The following GNG7 variants were observed in gnomAD, a reference collection of about 807,000 sequenced individuals.
GNG7 encodes the protein G protein subunit gamma 7, also known as guanine nucleotide-binding protein G(I)/G(S)/G(O) subunit gamma-7.
In GNG7, 1 loss-of-function variant was observed where a neutral mutation model predicts 4.0. The observed-to-expected ratio is 0.25, with a 90% confidence interval of 0.09 to 1.18. The LOEUF (loss-of-function observed/expected upper bound fraction) is 1.18, where lower values mean the gene tolerates loss of function less well. Among genes scored for constraint, GNG7 ranks in the 50% most tolerant of loss-of-function variants. GNG7 has a pLI of 0.50. For missense variants in GNG7, 86 were observed against 91.9 expected (o/e 0.94, Z 0.26); for synonymous variants, 34 against 36.9 (o/e 0.92, Z 0.29).
chr19:2,676,258 A>G (rs1599456765), intron 1 of GNG7, among the ~76,000 whole-genome samples: 1 of 152,320 alleles, frequency 6.6e-6, no homozygotes, highest in Middle Eastern at 3.4e-3. Flanking sequence ...GTTTTGAGCC[A>G]TGCAGGTTGA....
chr19:2,651,143 G>T (rs1216013479), intron 1 of GNG7, among the ~76,000 whole-genome samples: 1 of 152,108 alleles, frequency 6.6e-6, no homozygotes, highest in Non-Finnish European at 1.5e-5. Flanking sequence ...GTGGTCAGGG[G>T]ACCTCGTGTA....
intron 2 of GNG7, among the ~76,000 whole-genome samples, chr19:2,603,279 G>C (rs796757473): frequency 6.6e-6 from 1 of 152,056 alleles, no homozygotes; most frequent in African/African-American, 2.4e-5. Flanking sequence ...GTTAGCCAGG[G>C]TGATCTCGAT....
chr19:2,544,987 G>A (rs139542122), intron 3 of GNG7, among the ~76,000 whole-genome samples: 1 of 152,318 alleles, frequency 6.6e-6, no homozygotes, highest in African/African-American at 2.4e-5. Flanking sequence ...GTGTGAACCA[G>A]GGGGACCCCC....
rs147023390 is a variant in GNG7, at chr19:2,552,198, C to CA, written c.-38+2950dup. Among the ~76,000 whole-genome samples the CA allele has an allele frequency of 8.4e-3, 1,282 of 152,014 alleles. 6 individuals carry two copies. Among genetic ancestry groups the CA allele is most frequent in the South Asian group, 0.016 (75 of 4,824 alleles). On this transcript the variant is annotated intron_variant, in intron 3 of 4. Transcript: ENST00000382159. ...AAAACCCCATCTCTACTAAAAAATA[C>CA]AAAAAATCAGCCGGAAATTGCTTGA...
chr19:2,614,331 C>CA lies in GNG7; in HGVS notation c.-78+31892dup, dbSNP rs1281517097. On this transcript the variant is annotated intron_variant, in intron 2 of 4. Transcript: ENST00000382159. This position sits in a 1 kb window ranked among gnomAD's most constrained non-coding sequence, Gnocchi z 6.0. ...CACATGTGTGGTGAAATGCACACAA[C>CA]AAAAAAGCTCCCTTTCCAGACATCC... Among the ~76,000 whole-genome samples, 1 of 152,186 alleles carries CA rather than the reference C, an allele frequency of 6.6e-6. No individual in the cohort carries two copies. Among genetic ancestry groups the CA allele is most frequent in the African/African-American group, 2.4e-5 (1 of 41,452 alleles).
chr19:2,608,630 G>T (rs1160020301), intron 2 of GNG7, among the ~76,000 whole-genome samples: 3 of 152,232 alleles, frequency 2.0e-5, no homozygotes, highest in Non-Finnish European at 4.4e-5. Flanking sequence ...AGGGCAAGGG[G>T]CCGGGTGCCT....
chr19:2,687,113 A>G (rs1983892130), intron 1 of GNG7, among the ~76,000 whole-genome samples: 1 of 150,006 alleles, frequency 6.7e-6, no homozygotes, highest in African/African-American at 2.5e-5. Flanking sequence ...ACTGGAGTGC[A>G]GGGGCATGAT....
chr19:2,643,739 T>C, intron 2 of GNG7: 1 of 421,482 alleles, frequency 2.4e-6, no homozygotes, highest in Admixed American at 2.6e-5. Context: ...CGATGCACAC[T>C]GGGCACGCTA....
Position 2,596,882 on chromosome 19 carries a change from G to C in GNG7, c.-77-41694C>G, listed in dbSNP as rs190514570. Among the ~76,000 whole-genome samples the C allele has an allele frequency of 2.0e-5, 3 of 152,152 alleles. No homozygotes were observed. The East Asian group carries it at 5.8e-4, about 29-fold the overall frequency. On this transcript the variant is annotated intron_variant, in intron 2 of 4. Transcript: ENST00000382159. ...GGTGAACATCAATTCTTGGGGAGAT[G>C]AAAACAAATTTTACTTTTTTTATGG... is the stretch of plus-strand genomic sequence containing the variant.
At chr19:2,542,499 G>A (rs1978995578) in intron 3 of GNG7, among the ~76,000 whole-genome samples, 1 of 152,138 alleles carries the variant, frequency 6.6e-6, no homozygotes, top group African/African-American at 2.4e-5. Flanking sequence ...ACGACTGCAA[G>A]GAAGTGAATT....
intron 2 of GNG7, among the ~76,000 whole-genome samples, chr19:2,558,147 G>A (rs1979624767): frequency 6.6e-6 from 1 of 151,952 alleles, no homozygotes; most frequent in Non-Finnish European, 1.5e-5. Flanking sequence ...GGCCTCTCAG[G>A]CTTACTTTTA....
At chr19:2,692,799 A>G (rs1913164628) in intron 1 of GNG7, among the ~76,000 whole-genome samples, 1 of 151,920 alleles carries the variant, frequency 6.6e-6, no homozygotes, top group South Asian at 2.1e-4. Context: ...CAGCCTGGAC[A>G]ACACAGCAAG....
intron 1 of GNG7, among the ~76,000 whole-genome samples, chr19:2,657,353 AAAAAAAAAATATATATATATATATAT>A (rs1205463358): frequency 2.9e-4 from 6 of 20,764 alleles, no homozygotes; most frequent in African/African-American, 2.3e-4. Flanking sequence ...AAAAAAAAAA[AAAAAAAAAATATATATATATATATAT>A]ATATATATAT....
At position 2,546,789 on chromosome 19, in the gene GNG7, G is replaced by A. The variant is rs949872982; in HGVS notation, c.-38+8360C>T. Among the ~76,000 whole-genome samples, 3 of 152,204 alleles carry A rather than the reference G, an allele frequency of 2.0e-5. No individual in the cohort carries two copies. The highest frequency in any genetic ancestry group is 4.4e-5 in the Non-Finnish European group (3 of 68,038). On this transcript the variant is annotated intron_variant, in intron 3 of 4. Coordinates refer to ENST00000382159, the MANE Select transcript of GNG7 (RefSeq NM_052847.3). This position sits in a 1 kb window ranked among gnomAD's most constrained non-coding sequence, Gnocchi z 6.3. ...AAGAAAAGCTGCTCTCTGTCCACCC[G>A]GCGGTGGGGTCGGCGGGGGCGGGGG...
chr19:2,515,706 G>A (rs1240064800), intron 4 of GNG7, among the ~76,000 whole-genome samples: 2 of 151,976 alleles, frequency 1.3e-5, no homozygotes, highest in Non-Finnish European at 2.9e-5. Flanking sequence ...GATTACAGGT[G>A]TGAGCCACTG....
At chr19:2,687,911 G>T (rs185786188) in intron 1 of GNG7, among the ~76,000 whole-genome samples, 2 of 150,646 alleles carry the variant, frequency 1.3e-5, no homozygotes, top group African/African-American at 4.9e-5. Context: ...AGTGAGCTGA[G>T]ATCGTGCCAC....
intron 1 of GNG7, among the ~76,000 whole-genome samples, chr19:2,693,036 A>G (rs1486669940): frequency 2.0e-5 from 3 of 151,758 alleles, no homozygotes; most frequent in African/African-American, 7.3e-5. Flanking sequence ...CATGTCTGTA[A>G]TCCCAACACT....
rs1979576410 is a variant in GNG7 at position 2,557,126 on chromosome 19, CGTG to C, written c.-77-1941_-77-1939del. Among the ~76,000 whole-genome samples the C allele has an allele frequency of 6.6e-6, 1 of 151,394 alleles. No homozygotes were observed. On this transcript the variant is annotated intron_variant, in intron 2 of 4. Transcript: ENST00000382159. This position sits in a 1 kb window ranked among gnomAD's most constrained non-coding sequence, Gnocchi z 5.1. Reference sequence around the variant, plus strand: ...TCAGACACACGCACACACGTACACACGTGTACTGCACACTCACGCACATGCACA... The same window carrying C: ...TCAGACACACGCACACACGTACACACTACTGCACACTCACGCACATGCACA...
chr19:2,669,475 G>C (rs1186972214), intron 1 of GNG7, among the ~76,000 whole-genome samples: 1 of 152,202 alleles, frequency 6.6e-6, no homozygotes, highest in African/African-American at 2.4e-5. Flanking sequence ...AGGTGATAGA[G>C]TGAGACTCTG....
Sources: allele counts gnomAD v4.1 joint callset (sites outside exome capture counted in the v4.1 genomes callset), GRCh38; gene constraint gnomAD v4.1.1; non-coding constraint Gnocchi (gnomAD v3.1); transcripts MANE v1.5; gene names NCBI Gene and HGNC (gene_info 2026-07-23, HGNC 2026-07-21).